The following PCDHGB4 variants were observed in gnomAD, a reference collection of about 807,000 sequenced individuals.
PCDHGB4 encodes protocadherin gamma-B4.
Under a neutral mutation model 60.5 loss-of-function variants are expected in PCDHGB4, and 38 were observed. The ratio of observed to expected loss-of-function variants is 0.63; its 90% confidence interval spans 0.48 to 0.82. The LOEUF (loss-of-function observed/expected upper bound fraction) is 0.82. Among genes scored for constraint, PCDHGB4 ranks in the 40% least tolerant of loss-of-function variants. The probability of loss-of-function intolerance (pLI) is 0.00; values close to 1 mark genes in which losing one functional copy is unlikely to be tolerated. For synonymous variants in PCDHGB4, 456 were observed against 509.7 expected (o/e 0.89, Z 1.42); for missense variants, 1,109 against 1,209.6 (o/e 0.92, Z 1.23).
Position 141,400,678 on chromosome 5 carries a change from T to A in PCDHGB4, c.2397+10397T>A. ...ACCATTCTTTAAGAGGAGCAGTAAA[T>A]TGTGAGTTTTTATGTCGCATAAAAG... On this transcript the variant is annotated intron_variant, in intron 1 of 3. Coordinates refer to ENST00000519479, the MANE Select transcript of PCDHGB4 (RefSeq NM_003736.4). 4.5e-6 allele frequency: 4 copies of A among 882,002 alleles called. No homozygotes were observed. In the South Asian group the frequency reaches 6.9e-5, roughly 15 times the overall value. The allele number at this position is 882,002 out of a possible 1,614,324, so 54.6% of individuals were successfully genotyped here.
rs2099521625 is a variant in PCDHGB4, at chr5:141,480,568, G to A, written c.2398-14239G>A. 2.0e-5 allele frequency among the ~76,000 whole-genome samples: 3 copies of A among 152,338 alleles called. No individual in the cohort carries two copies. The South Asian group carries it at 6.2e-4, about 32-fold the overall frequency. Reference sequence around the variant, plus strand: ...AAAGGCTAAGAAAGCATGAAAGCCAGCAAGAAATAACTGCCGCTCTTCTGG... The same window carrying A: ...AAAGGCTAAGAAAGCATGAAAGCCAACAAGAAATAACTGCCGCTCTTCTGG... On this transcript the variant is annotated intron_variant, in intron 1 of 3. Coordinates refer to ENST00000519479, the MANE Select transcript of PCDHGB4 (RefSeq NM_003736.4).
chr5:141,395,463 C>A, intron 1 of PCDHGB4: 1 of 582,522 alleles, frequency 1.7e-6, no homozygotes, highest in Non-Finnish European at 2.9e-6. Flanking sequence ...CCATTTTAAG[C>A]CTTCCAGTAT....
chr5:141,459,300 A>T (rs954766370), intron 1 of PCDHGB4, among the ~76,000 whole-genome samples: 1 of 152,202 alleles, frequency 6.6e-6, no homozygotes, highest in Non-Finnish European at 1.5e-5. Flanking sequence ...ATCCTATAAC[A>T]TATACTATTT....
At position 141,388,630 on chromosome 5, in the gene PCDHGB4, T is replaced by C. The variant is rs754073337; in HGVS notation, c.746T>C (p.Val249Ala). Residue 249 changes from valine (V) to alanine (A), a missense_variant, in exon 1 of 4, where the codon GTG (valine) becomes GCG (alanine). By Grantham distance (64) the Val-to-Ala change is moderately conservative (BLOSUM62 0). This residue lies in a region of PCDHGB4 where 1,068 missense variants were observed against 1,089.9 expected (regional missense o/e 0.98). Transcript: ENST00000519479. The part of the protein sequence containing the change: ...APVFSQDVYR[V>A]SLSENVYPGT... ...GTGTTCAGTCAAGACGTATACAGGG[T>C]GAGCCTTTCAGAAAACGTGTACCCG... 6.2e-7 allele frequency: 1 copy of C among 1,613,816 alleles called. No homozygotes were observed. The highest frequency in any genetic ancestry group is 8.5e-7 in the Non-Finnish European group (1 of 1,179,838).
rs1315280677 is a variant in PCDHGB4, at chr5:141,388,306, A to G, written c.422A>G (p.Gln141Arg). ...PKFTQNSFELQISESAQPGTR... is the reference protein window; with the variant it reads ...PKFTQNSFELRISESAQPGTR... ...TTCACGCAAAATTCCTTTGAGCTGC[A>G]AATAAGTGAGTCTGCACAGCCTGGC... The change falls in exon 1 of 4, where the codon CAA becomes CGA. Residue 141 changes from glutamine (Q) to arginine (R), a missense_variant. This residue lies in a region of PCDHGB4 where 1,068 missense variants were observed against 1,089.9 expected (regional missense o/e 0.98). Coordinates refer to ENST00000519479, the MANE Select transcript of PCDHGB4 (RefSeq NM_003736.4). 1 of 1,613,826 alleles carries G rather than the reference A, an allele frequency of 6.2e-7. No homozygotes were observed. The highest frequency in any genetic ancestry group is 1.1e-5 in the South Asian group (1 of 91,062).
intron 1 of PCDHGB4, chr5:141,398,834 A>T: frequency 6.2e-7 from 1 of 1,614,014 alleles, no homozygotes; most frequent in Non-Finnish European, 8.5e-7. Context: ...ACCGACGCCA[A>T]TGATAATCCC....
intron 1 of PCDHGB4, chr5:141,393,863 G>A: frequency 6.2e-7 from 1 of 1,613,968 alleles, no homozygotes; most frequent in Non-Finnish European, 8.5e-7. Context: ...TGATCATTAC[G>A]TCTTTGTTTA....
intron 1 of PCDHGB4, chr5:141,422,694 T>C: frequency 6.2e-7 from 1 of 1,603,912 alleles, no homozygotes; most frequent in Non-Finnish European, 8.5e-7. Context: ...CCCTGGTCAC[T>C]TACTCTCTGA....
rs773232677 is a variant in PCDHGB4, at chr5:141,490,388, G to A, written c.2398-4419G>A. 2 of 1,614,206 alleles carry A rather than the reference G, an allele frequency of 1.2e-6. No homozygotes were observed. The highest frequency in any genetic ancestry group is 2.2e-5 in the East Asian group (1 of 44,878). The stretch of plus-strand genomic sequence containing the variant: ...CGAGACCGGGACTCAGGTAGAAATG[G>A]TGAAGTGAGCCTTGATATCTCTCCG... On this transcript the variant is annotated intron_variant, in intron 1 of 3. Transcript: ENST00000519479. The surrounding 1 kb of genome is among the most constrained non-coding windows in gnomAD (Gnocchi z 5.4).
intron 1 of PCDHGB4, chr5:141,410,258 G>A: frequency 6.2e-7 from 1 of 1,614,022 alleles, no homozygotes; most frequent in East Asian, 2.2e-5. Context: ...TGACCCCCAG[G>A]CTGAACTGCA....
intron 1 of PCDHGB4, among the ~76,000 whole-genome samples, chr5:141,482,782 G>T (rs775083331): frequency 1.6e-4 from 25 of 152,154 alleles, no homozygotes; most frequent in Non-Finnish European, 3.2e-4. Context: ...ACCTTAAACT[G>T]TGTGTGTGGC....
At chr5:141,414,570 C>T in intron 1 of PCDHGB4, 1 of 1,613,980 alleles carries the variant, frequency 6.2e-7, no homozygotes. Context: ...TTACCTATAT[C>T]CCAGAGAACA....
At position 141,431,896 on chromosome 5, in the gene PCDHGB4, C is replaced by A. The variant is rs1292629023; in HGVS notation, c.2397+41615C>A. The A allele has an allele frequency of 6.2e-7, 1 of 1,613,940 alleles. No homozygotes were observed. The highest frequency in any genetic ancestry group is 1.3e-5 in the African/African-American group (1 of 74,924). On this transcript the variant is annotated intron_variant, in intron 1 of 3. Coordinates refer to ENST00000519479, the MANE Select transcript of PCDHGB4 (RefSeq NM_003736.4). This position sits in a 1 kb window ranked among gnomAD's most constrained non-coding sequence, Gnocchi z 4.8. Reference sequence around the variant, plus strand: ...TAAATGACCAAGATTCTGAGGAAAACGGACAGGTGATCTGTTTCATCCAAG... The same window carrying A: ...TAAATGACCAAGATTCTGAGGAAAAAGGACAGGTGATCTGTTTCATCCAAG...
chr5:141,413,002 G>A, intron 1 of PCDHGB4: 2 of 597,506 alleles, frequency 3.3e-6, no homozygotes, highest in East Asian at 3.0e-5. Context: ...GGATTCTCAG[G>A]GCTTCAACTA....
chr5:141,464,377 T>A (rs1410334231), intron 1 of PCDHGB4, among the ~76,000 whole-genome samples: 3 of 151,486 alleles, frequency 2.0e-5, no homozygotes, highest in Admixed American at 2.0e-4. Flanking sequence ...TTTTGCAATA[T>A]AAAAAATGCT....
At chr5:141,394,799 A>G in intron 1 of PCDHGB4, 5 of 1,613,808 alleles carry the variant, frequency 3.1e-6, no homozygotes, top group Admixed American at 1.7e-5. Context: ...CGCTCACCGT[A>G]GCCGTGGCTG....
chr5:141,430,619 A>G lies in PCDHGB4; in HGVS notation c.2397+40338A>G, dbSNP rs192473783. ...CGCCTGAAGCACAAAGCAGATAGCT[A>G]GGAATGAACCATCCCTGGGAGTATG... On this transcript the variant is annotated intron_variant, in intron 1 of 3. Coordinates refer to ENST00000519479, the MANE Select transcript of PCDHGB4 (RefSeq NM_003736.4). 9.4e-5 allele frequency: 68 copies of G among 720,190 alleles called. 1 individual carries two copies. The African/African-American group carries it at 1.1e-3, about 12-fold the overall frequency. 44.6% of individuals were successfully genotyped at this position (720,190 alleles called of 1,614,324 possible). A position where few individuals can be genotyped will look rare whatever the true frequency, so the allele number is the denominator to read the frequency against.
At chr5:141,492,197 TA>T (rs2099738125) in intron 1 of PCDHGB4, among the ~76,000 whole-genome samples, 1 of 152,200 alleles carries the variant, frequency 6.6e-6, no homozygotes, top group African/African-American at 2.4e-5. Flanking sequence ...CTGCGGGACT[TA>T]GGTGTGCGCG....
At position 141,475,845 on chromosome 5, in the gene PCDHGB4, G is replaced by A. The variant is rs2099375736; in HGVS notation, c.2398-18962G>A. On this transcript the variant is annotated intron_variant, in intron 1 of 3. Coordinates refer to ENST00000519479, the MANE Select transcript of PCDHGB4 (RefSeq NM_003736.4). ...CGCTAGCGCGTGTCCTGCTCAGAGA[G>A]CCCGGCGCTAGCTCATTCTTCGTGC... The A allele has an allele frequency of 2.0e-5, 9 of 447,884 alleles. 1 individual carries two copies. In the South Asian group the frequency reaches 2.8e-4, roughly 14 times the overall value. 27.7% of individuals were successfully genotyped at this position (447,884 alleles called of 1,614,324 possible).
Sources: allele counts gnomAD v4.1 joint callset (sites outside exome capture counted in the v4.1 genomes callset), GRCh38; gene constraint gnomAD v4.1.1; regional missense constraint gnomAD v4.1.1; non-coding constraint Gnocchi (gnomAD v3.1); transcripts MANE v1.5; gene names NCBI Gene and HGNC (gene_info 2026-07-23, HGNC 2026-07-21).